The following PDHX variants were observed in gnomAD, a reference collection of about 807,000 sequenced individuals.
PDHX encodes the protein pyruvate dehydrogenase complex component X, also known as pyruvate dehydrogenase protein X component, mitochondrial.
Under a neutral mutation model 55.3 loss-of-function variants are expected in PDHX, and 33 were observed. The ratio of observed to expected loss-of-function variants is 0.60; its 90% CI spans 0.45 to 0.80. The LOEUF is 0.80. Among genes scored for constraint, PDHX ranks in the 30% least tolerant of loss-of-function variants. PDHX has a pLI of 0.00. For synonymous variants in PDHX, 226 were observed against 219.4 expected (o/e 1.03, Z -0.27); for missense variants, 622 against 619.9 (o/e 1.00, Z -0.04).
At chr11:34,975,136 A>G (rs1040392383) in intron 7 of PDHX, among the ~76,000 whole-genome samples, 1 of 152,004 alleles carries the variant, frequency 6.6e-6, no homozygotes, top group African/African-American at 2.4e-5. Context: ...GCCGTTCTTA[A>G]TATTTGTTCC....
chr11:34,934,132 C>G (rs1854246216), intron 2 of PDHX, among the ~76,000 whole-genome samples: 1 of 152,164 alleles, frequency 6.6e-6, no homozygotes, highest in African/African-American at 2.4e-5. Flanking sequence ...TAGAACATCA[C>G]TGTATTGCCA....
intron 1 of PDHX, among the ~76,000 whole-genome samples, chr11:34,921,333 G>C (rs1048965225): frequency 1.1e-4 from 16 of 152,064 alleles, no homozygotes; most frequent in African/African-American, 3.9e-4. Flanking sequence ...CTCAGTGTCA[G>C]CTTGCCTTGC....
At position 34,960,406 on chromosome 11, in the gene PDHX, TA is replaced by T. The variant is rs1391946927; in HGVS notation, c.543-13del. 6.4e-7 allele frequency: 1 copy of T among 1,568,938 alleles called. No individual in the cohort carries two copies. The highest frequency in any genetic ancestry group is 2.2e-5 in the East Asian group (1 of 44,544). On this transcript the variant is annotated splice_polypyrimidine_tract_variant and intron_variant, in intron 4 of 10. Transcript: ENST00000227868. ...TGTTAATTGGTTCTATTAACCTTCATATTTTTTTCTTAGGTTCCGTTTAAGT... is the reference window on the plus strand; with the variant it reads ...TGTTAATTGGTTCTATTAACCTTCATTTTTTTTCTTAGGTTCCGTTTAAGT...
chr11:34,956,415 G>A (rs773501297), intron 3 of PDHX, among the ~76,000 whole-genome samples: 3 of 152,116 alleles, frequency 2.0e-5, no homozygotes, highest in Non-Finnish European at 4.4e-5. Flanking sequence ...ATTAGTGGAC[G>A]TCCTGCAGCC....
intron 7 of PDHX, among the ~76,000 whole-genome samples, chr11:34,977,586 C>A (rs1855407378): frequency 6.6e-6 from 1 of 151,888 alleles, no homozygotes; most frequent in South Asian, 2.1e-4. Context: ...TTCACCTACA[C>A]CCCATTAGTA....
intron 5 of PDHX, 50 bp downstream of exon 5, chr11:34,960,568 T>C: frequency 9.0e-7 from 1 of 1,114,858 alleles, no homozygotes; most frequent in Non-Finnish European, 1.4e-6. Context: ...ATTATGATCA[T>C]GTTTTTTTGA....
At chr11:34,949,876 A>G (rs144184039) in intron 3 of PDHX, among the ~76,000 whole-genome samples, 86 of 152,348 alleles carry the variant, frequency 5.6e-4, no homozygotes, top group African/African-American at 1.9e-3. Context: ...TTTTATTGAT[A>G]GACCATTATT....
chr11:34,948,725 T>C (rs1202772653), intron 3 of PDHX, among the ~76,000 whole-genome samples: 1 of 152,108 alleles, frequency 6.6e-6, no homozygotes, highest in Non-Finnish European at 1.5e-5. Flanking sequence ...GGAATATGAA[T>C]CAAAGCCTAA....
At chr11:34,945,868 C>A (rs1854608619) in intron 2 of PDHX, among the ~76,000 whole-genome samples, 2 of 152,040 alleles carry the variant, frequency 1.3e-5, no homozygotes, top group Non-Finnish European at 2.9e-5. Flanking sequence ...GATCCGTATG[C>A]CCCCTGCTAG....
rs940083468 is a variant in PDHX, at chr11:34,995,388, G to C, written c.*216G>C. On this transcript the variant is annotated 3_prime_UTR_variant, in exon 11 of 11. Transcript: ENST00000227868. ...GATAAACTCTAACTAATAAAGGAAA[G>C]AGAATATTTGGTTACTCAGATCCAT... is the stretch of plus-strand genomic sequence containing the variant. 1.1e-5 allele frequency: 6 copies of C among 522,824 alleles called. No individual in the cohort carries two copies. Among genetic ancestry groups the C allele is most frequent in the Admixed American group, 3.1e-5 (1 of 31,866 alleles). 32.4% of individuals were successfully genotyped at this position (522,824 alleles called of 1,614,324 possible). A position where few individuals can be genotyped will look rare whatever the true frequency, so the allele number is the denominator to read the frequency against.
intron 5 of PDHX, among the ~76,000 whole-genome samples, chr11:34,960,785 G>T (rs552586412): frequency 2.0e-5 from 3 of 152,126 alleles, no homozygotes; most frequent in Non-Finnish European, 4.4e-5. Context: ...AAATTAGAGC[G>T]TAGAACAGTG....
chr11:34,978,926 C>T (rs924770342), intron 8 of PDHX, among the ~76,000 whole-genome samples: 2 of 152,038 alleles, frequency 1.3e-5, no homozygotes, highest in South Asian at 2.1e-4. Context: ...ACTTCAGAAA[C>T]GAAAAGGAGA....
intron 1 of PDHX, among the ~76,000 whole-genome samples, chr11:34,929,112 C>T (rs960012045): frequency 6.6e-6 from 1 of 151,432 alleles, no homozygotes; most frequent in Non-Finnish European, 1.5e-5. Context: ...AACGGTGTTT[C>T]GTAATTAGGA....
chr11:34,919,587 A>G (rs1853825571), intron 1 of PDHX, among the ~76,000 whole-genome samples: 1 of 152,252 alleles, frequency 6.6e-6, no homozygotes, highest in Non-Finnish European at 1.5e-5. Flanking sequence ...TAGTTGGACA[A>G]AAACACCAAG....
intron 3 of PDHX, among the ~76,000 whole-genome samples, chr11:34,951,676 G>T (rs544683352): frequency 1.3e-5 from 2 of 152,194 alleles, no homozygotes; most frequent in Admixed American, 6.5e-5. Flanking sequence ...AGTTTCTTTT[G>T]CTGTGCAGAA....
intron 8 of PDHX, among the ~76,000 whole-genome samples, chr11:34,984,005 C>T (rs112733845): frequency 1.5e-4 from 23 of 152,278 alleles, no homozygotes; most frequent in African/African-American, 4.8e-4. Context: ...GGAGGCATCA[C>T]GCTACCTGAC....
chr11:34,978,075 T>TA (rs1177580059), intron 7 of PDHX, 49 bp from the exon 8 acceptor site: 1 of 972,522 alleles, frequency 1.0e-6, no homozygotes. Context: ...TGGTCAATGT[T>TA]AAAGTTATAT....
intron 1 of PDHX, among the ~76,000 whole-genome samples, chr11:34,919,378 G>A (rs1032371842): frequency 6.6e-6 from 1 of 152,142 alleles, no homozygotes; most frequent in Non-Finnish European, 1.5e-5. Flanking sequence ...TATAAATTAA[G>A]TACATTTATT....
rs2767045 is a variant in PDHX, at chr11:34,988,068, T to C, written c.1182+3340T>C. Among the ~76,000 whole-genome samples the C allele has an allele frequency of 5.3e-5, 8 of 152,338 alleles. No individual in the cohort carries two copies. In the East Asian group the frequency reaches 1.3e-3, roughly 26 times the overall value. Reference sequence around the variant, plus strand: ...GCTTATTTAAAAAGTAGAATGTTTATGTATTTAAACAGATAAAATTTAGAA... The same window carrying C: ...GCTTATTTAAAAAGTAGAATGTTTACGTATTTAAACAGATAAAATTTAGAA... On this transcript the variant is annotated intron_variant, in intron 9 of 10. Coordinates refer to ENST00000227868, the MANE Select transcript of PDHX (RefSeq NM_003477.3).
Sources: gnomAD v4.1 joint callset for allele counts (sites outside exome capture counted in the v4.1 genomes callset) on GRCh38, gnomAD v4.1.1 for gene constraint, MANE v1.5 for transcripts, NCBI Gene and HGNC (gene_info 2026-07-23, HGNC 2026-07-21) for gene names.